The following CUL2 variants were observed in gnomAD, a reference collection of about 807,000 sequenced individuals.
CUL2 encodes cullin-2.
A neutral mutation model predicts 110.2 loss-of-function variants in CUL2; 22 were observed. That is an observed-to-expected ratio of 0.20 (90% confidence interval 0.14 to 0.28). The LOEUF (loss-of-function observed/expected upper bound fraction) is 0.28, where lower values mean the gene tolerates loss of function less well. Among genes scored for constraint, CUL2 ranks in the 10% least tolerant of loss-of-function variants. The probability of loss-of-function intolerance (pLI) is 1.00; values close to 1 mark genes in which losing one functional copy is unlikely to be tolerated. For missense variants in CUL2, 631 were observed against 905.5 expected (o/e 0.70, Z 3.89); for synonymous variants, 279 against 293.2 (o/e 0.95, Z 0.49).
chr10:35,057,754 C>T (rs2086277176), intron 4 of CUL2, among the ~76,000 whole-genome samples: 1 of 151,974 alleles, frequency 6.6e-6, no homozygotes, highest in Non-Finnish European at 1.5e-5. Context: ...TTATAAGTCA[C>T]TGTAGTATTT....
chr10:35,085,861 C>T (rs1218246856), intron 1 of CUL2, among the ~76,000 whole-genome samples: 1 of 152,000 alleles, frequency 6.6e-6, no homozygotes, highest in South Asian at 2.1e-4. Context: ...CTTTTTACAG[C>T]GAGGGAGGAA....
At chr10:35,046,375 G>C (rs2085940767) in intron 6 of CUL2, among the ~76,000 whole-genome samples, 1 of 152,182 alleles carries the variant, frequency 6.6e-6, no homozygotes, top group African/African-American at 2.4e-5. Flanking sequence ...AAAACTCTAA[G>C]TATACACACC....
At chr10:35,094,098 A>G (rs558002502), upstream of CUL2, among the ~76,000 whole-genome samples, 48 of 152,284 alleles carry the variant, frequency 3.2e-4, no homozygotes, top group African/African-American at 1.0e-3. Flanking sequence ...CTTCTTGTAC[A>G]GCCTGCAGAA....
At chr10:35,044,504 G>A in intron 8 of CUL2, 62 bp downstream of exon 8, 1 of 1,046,656 alleles carries the variant, frequency 9.6e-7, no homozygotes, top group South Asian at 1.7e-5. Context: ...TAAGAACGAT[G>A]TTAAATAAAA....
rs559466909 is a variant in CUL2, at chr10:35,030,971, G to A, written c.1386+329C>T. Among the ~76,000 whole-genome samples, 25 of 152,170 alleles carry A rather than the reference G, an allele frequency of 1.6e-4. 1 individual carries two copies. The highest frequency in any genetic ancestry group is 8.3e-4 in the South Asian group (4 of 4,818). Reference sequence around the variant, plus strand: ...AAATATGAACCTGCTACCACTTATCGGTATGTAAGCAAGCTGAAATGATGT... The same window carrying A: ...AAATATGAACCTGCTACCACTTATCAGTATGTAAGCAAGCTGAAATGATGT... On this transcript the variant is annotated intron_variant, in intron 14 of 20. Transcript: ENST00000374749.
intron 2 of CUL2, among the ~76,000 whole-genome samples, chr10:35,065,482 G>A (rs2086494760): frequency 6.6e-6 from 1 of 152,104 alleles, no homozygotes; most frequent in Admixed American, 6.6e-5. Context: ...TAGCCGGCGT[G>A]GTGACAGGTG....
At chr10:35,010,497 T>A (rs2084872746) in intron 20 of CUL2, 55 bp from the exon 21 acceptor site, 11 of 1,543,056 alleles carry the variant, frequency 7.1e-6, no homozygotes, top group Non-Finnish European at 9.6e-6. Flanking sequence ...TATTAAGTAA[T>A]GACTTTTAAC....
rs751158897 is a variant in CUL2, at chr10:35,025,653, T to C, written c.1618-455A>G. ...CACAAATACGAAGTTTTAGGGTATA[T>C]CTCTGGATTATTCTTTTGCTGATAT... On this transcript the variant is annotated intron_variant, in intron 16 of 20. Coordinates refer to ENST00000374749, the MANE Select transcript of CUL2 (RefSeq NM_003591.4). 2.0e-5 allele frequency among the ~76,000 whole-genome samples: 3 copies of C among 152,238 alleles called. No homozygotes were observed. The East Asian group carries it at 5.8e-4, about 29-fold the overall frequency.
rs1243517171 is a variant in CUL2 at position 35,028,806 on chromosome 10, T to C, written c.1617+4A>G. The C allele has an allele frequency of 1.3e-6, 2 of 1,594,334 alleles. No individual in the cohort carries two copies. The highest frequency in any genetic ancestry group is 8.6e-7 in the Non-Finnish European group (1 of 1,165,612). On this transcript the variant is annotated splice_donor_region_variant and intron_variant, in intron 16 of 20. Coordinates refer to ENST00000374749, the MANE Select transcript of CUL2 (RefSeq NM_003591.4). The stretch of plus-strand genomic sequence containing the variant: ...GTCTTCTAATATATTTCCTGCAAAC[T>C]TACCATCTGTACACTTTTTTCTAAT...
chr10:35,107,160 G>A (rs1414757987), intron 1 of CUL2, among the ~76,000 whole-genome samples: 3 of 151,806 alleles, frequency 2.0e-5, no homozygotes, highest in Non-Finnish European at 4.4e-5. Flanking sequence ...ATTTTCAGTA[G>A]AGACGGGGTT....
chr10:35,086,938 A>G (rs549181943), intron 1 of CUL2, among the ~76,000 whole-genome samples: 1 of 152,336 alleles, frequency 6.6e-6, no homozygotes, highest in East Asian at 1.9e-4. Flanking sequence ...TATGTCCACA[A>G]ATATTTTTTT....
rs2085488874 is a variant in CUL2 at position 35,031,900 on chromosome 10, GTAA to G, written c.1171-284_1171-282del. On this transcript the variant is annotated intron_variant, in intron 12 of 20. Transcript: ENST00000374749. The surrounding 1 kb of genome is among the most constrained non-coding windows in gnomAD (Gnocchi z 4.4). ...CCACACCAGGCTTCTAAAGCTTTAT[GTAA>G]TAATCATAAATGTAAACTAAATAAA... Among the ~76,000 whole-genome samples the G allele has an allele frequency of 1.3e-5, 2 of 152,060 alleles. No homozygotes were observed. Among genetic ancestry groups the G allele is most frequent in the Non-Finnish European group, 2.9e-5 (2 of 68,026 alleles).
intron 2 of CUL2, among the ~76,000 whole-genome samples, chr10:35,100,629 G>T (rs775103532): frequency 1.3e-5 from 2 of 151,850 alleles, no homozygotes; most frequent in Non-Finnish European, 1.5e-5. Flanking sequence ...GGGCATGGTG[G>T]TGCATACCTG....
intron 1 of CUL2, among the ~76,000 whole-genome samples, chr10:35,105,282 C>CG (rs2087438738): frequency 6.6e-6 from 1 of 151,630 alleles, no homozygotes; most frequent in Non-Finnish European, 1.5e-5. Context: ...AAAAATTAGC[C>CG]GGGCGTGGTG....
intron 1 of CUL2, among the ~76,000 whole-genome samples, chr10:35,103,727 T>C (rs1376447399): frequency 6.6e-6 from 1 of 152,170 alleles, no homozygotes; most frequent in Non-Finnish European, 1.5e-5. Flanking sequence ...CCTAAAGTGC[T>C]GGGATTATAG....
chr10:35,109,332 C>A (rs909445799), intron 1 of CUL2, among the ~76,000 whole-genome samples: 1 of 152,178 alleles, frequency 6.6e-6, no homozygotes, highest in Non-Finnish European at 1.5e-5. Context: ...ATCTTTCATT[C>A]CTTGATTGAT....
chr10:35,068,846 A>G (rs2086606007), intron 2 of CUL2, among the ~76,000 whole-genome samples: 1 of 152,084 alleles, frequency 6.6e-6, no homozygotes, highest in South Asian at 2.1e-4. Context: ...ATTTTACCTT[A>G]TAACAATTAG....
chr10:35,125,871 C>T (rs1020791044), intron 1 of CUL2, among the ~76,000 whole-genome samples: 1 of 152,146 alleles, frequency 6.6e-6, no homozygotes. Flanking sequence ...GCTCTGTCAC[C>T]CAGACTGGAG....
At chr10:35,068,430 A>G (rs1044978299) in intron 2 of CUL2, among the ~76,000 whole-genome samples, 3 of 152,172 alleles carry the variant, frequency 2.0e-5, no homozygotes, top group African/African-American at 7.2e-5. Context: ...TCTAATAAAA[A>G]AAAAGAACCA....
Sources: allele counts gnomAD v4.1 joint callset (sites outside exome capture counted in the v4.1 genomes callset), GRCh38; gene constraint gnomAD v4.1.1; non-coding constraint Gnocchi (gnomAD v3.1); transcripts MANE v1.5; gene names NCBI Gene and HGNC (gene_info 2026-07-23, HGNC 2026-07-21).